Variants in REPS2 observed in about 807,000 individuals in gnomAD.
REPS2 encodes ralBP1-associated Eps domain-containing protein 2.
Under a neutral mutation model 53.6 loss-of-function variants are expected in REPS2, and 23 were observed. That is an observed-to-expected ratio of 0.43 (90% CI 0.31 to 0.61). The LOEUF is 0.61. Among genes scored for constraint, REPS2 ranks in the 20% least tolerant of loss-of-function variants. The pLI is 0.11. For missense variants in REPS2, 446 were observed against 534.9 expected (o/e 0.83, Z 1.64); for synonymous variants, 238 against 218.6 (o/e 1.09, Z -0.78).
chrX:17,022,217 A>C lies in REPS2; in HGVS notation c.492A>C (p.Pro164=). 8.3e-7 allele frequency: 1 copy of C among 1,209,265 alleles called. No individual in the cohort carries two copies. The highest frequency in any genetic ancestry group is 1.1e-6 in the Non-Finnish European group (1 of 893,149). ...TGCATGGAACTAAGGTTCAGATTCCATATTTAACTACAGAAAAAAATTCCT... is the reference window on the plus strand; with the variant it reads ...TGCATGGAACTAAGGTTCAGATTCCCTATTTAACTACAGAAAAAAATTCCT... ...AELHGTKVQI[P]YLTTEKNSFK... is the part of the protein sequence containing the mutation. The change falls in exon 3 of 18, where the codon CCA becomes CCC. Residue 164 remains proline, a synonymous_variant. Transcript: ENST00000357277.
In REPS2 at chrX:16,967,201, C is replaced by G. The variant is rs772378021; in HGVS notation, c.273+20067C>G. 1.1e-4 allele frequency among the ~76,000 whole-genome samples: 12 copies of G among 111,925 alleles called. No homozygotes were observed. The East Asian group carries it at 3.3e-3, about 31-fold the overall frequency. On this transcript the variant is annotated intron_variant, in intron 1 of 17. Coordinates refer to ENST00000357277, the MANE Select transcript of REPS2 (RefSeq NM_004726.3). ...AAATTTAAATTTCAGTTTCCATAAACAGTTTTATTGGAACACAGCTTTACT... is the reference window on the plus strand; with the variant it reads ...AAATTTAAATTTCAGTTTCCATAAAGAGTTTTATTGGAACACAGCTTTACT...
At chrX:17,000,577 C>A (rs1948205942) in intron 1 of REPS2, among the ~76,000 whole-genome samples, 1 of 112,034 alleles carries the variant, frequency 8.9e-6, no homozygotes, top group African/African-American at 3.2e-5. Context: ...GTTAGTAACT[C>A]TTTCTGGAAA....
chrX:16,964,809 G>A (rs1368696163), intron 1 of REPS2, among the ~76,000 whole-genome samples: 4 of 76,758 alleles, frequency 5.2e-5, no homozygotes, highest in Admixed American at 1.3e-4. Context: ...CCTCCCTCCC[G>A]GACGGGGCGG....
intron 1 of REPS2, among the ~76,000 whole-genome samples, chrX:16,953,580 G>T (rs1038900965): frequency 8.9e-6 from 1 of 112,099 alleles, no homozygotes; most frequent in Non-Finnish European, 1.9e-5. Context: ...TATTATTTTG[G>T]ATGTCTTTTC....
At chrX:17,051,084 A>G (rs2061996324) in intron 6 of REPS2, among the ~76,000 whole-genome samples, 1 of 111,421 alleles carries the variant, frequency 9.0e-6, no homozygotes, top group Non-Finnish European at 1.9e-5. Context: ...TTTGATTTTT[A>G]GATCCCACAA....
chrX:17,148,750 T>C lies in REPS2; in HGVS notation c.*1269T>C. ...AAATGGGACCACAGGGGCACAGGGC[T>C]ACTGACCCTCACAGGGCATGCCAGC... is the stretch of plus-strand genomic sequence containing the variant. On this transcript the variant is annotated 3_prime_UTR_variant, in exon 18 of 18. Coordinates refer to ENST00000357277, the MANE Select transcript of REPS2 (RefSeq NM_004726.3). The C allele has an allele frequency of 4.8e-6, 1 of 210,105 alleles. No individual in the cohort carries two copies. Among genetic ancestry groups the C allele is most frequent in the Non-Finnish European group, 9.0e-6 (1 of 111,091 alleles). 17.3% of individuals were successfully genotyped at this position (210,105 alleles called of 1,213,427 possible).
chrX:16,966,047 C>T (rs1054024345), intron 1 of REPS2, among the ~76,000 whole-genome samples: 6 of 112,243 alleles, frequency 5.3e-5, no homozygotes, highest in African/African-American at 1.6e-4. Flanking sequence ...TGCAGTGAGC[C>T]GAGATGGCAG....
chrX:17,141,358 G>T (rs759384376), intron 17 of REPS2, among the ~76,000 whole-genome samples: 1 of 112,347 alleles, frequency 8.9e-6, no homozygotes, highest in South Asian at 3.7e-4. Context: ...ATATTGTTGT[G>T]TGTATCAGTA....
intron 1 of REPS2, among the ~76,000 whole-genome samples, chrX:16,953,448 T>A (rs1402422100): frequency 9.0e-6 from 1 of 111,266 alleles, no homozygotes; most frequent in East Asian, 2.8e-4. Context: ...TTCCCCTCCC[T>A]CCCTACCCTG....
rs2063570305 is a variant in REPS2, at chrX:17,151,691, A to G, written c.*4210A>G. ...TAGGGATCATTAGGTTCTGGTTTGAACATTCTGAATGTGAACAAAATGAAA... is the reference window on the plus strand; with the variant it reads ...TAGGGATCATTAGGTTCTGGTTTGAGCATTCTGAATGTGAACAAAATGAAA... On this transcript the variant is annotated 3_prime_UTR_variant, in exon 18 of 18. Coordinates refer to ENST00000357277, the MANE Select transcript of REPS2 (RefSeq NM_004726.3). 8.9e-6 allele frequency: 1 copy of G among 112,371 alleles called. No individual in the cohort carries two copies. The highest frequency in any genetic ancestry group is 9.4e-5 in the Admixed American group (1 of 10,646). The allele number at this position is 112,371 out of a possible 1,213,427, so 9.3% of individuals were successfully genotyped here. A position where few individuals can be genotyped will look rare whatever the true frequency, so the allele number is the denominator to read the frequency against.
At chrX:17,069,780 A>G (rs904037381) in intron 10 of REPS2, among the ~76,000 whole-genome samples, 160 bp from the exon 11 acceptor site, 3 of 111,980 alleles carry the variant, frequency 2.7e-5, no homozygotes, top group African/African-American at 9.7e-5. Flanking sequence ...GTTTTAGTAA[A>G]TGCTATAGCA....
At chrX:17,191,478 G>GTT in the REPS2 span, among the ~76,000 whole-genome samples, 1 of 111,635 alleles carries the variant, frequency 9.0e-6, no homozygotes, top group South Asian at 3.7e-4. Context: ...GCTCTCATAC[G>GTT]TTGCTAGTGG....
chrX:16,974,751 G>A (rs2060935546), intron 1 of REPS2, among the ~76,000 whole-genome samples: 1 of 111,232 alleles, frequency 9.0e-6, no homozygotes, highest in African/African-American at 3.3e-5. Context: ...GGGTACATGT[G>A]CTGATTTGTT....
At position 17,047,449 on chromosome X, in the gene REPS2, T is replaced by A. The variant is rs1234182228; in HGVS notation, c.874T>A (p.Ser292Thr). 4 of 1,208,997 alleles carry A rather than the reference T, an allele frequency of 3.3e-6. No individual in the cohort carries two copies. The South Asian group carries it at 5.3e-5, about 16-fold the overall frequency. Residue 292 changes from serine (S) to threonine (T), a missense_variant, in exon 6 of 18, where the codon TCC becomes ACC. Transcript: ENST00000357277. The stretch of plus-strand genomic sequence containing the variant: ...CGAGTACTATGTCAATCAGTTCCGA[T>A]CCCTTCAGCCAGACCCAAGCTCTTT... ...QREYYVNQFRSLQPDPSSFIS... is the reference protein window; with the variant it reads ...QREYYVNQFRTLQPDPSSFIS...
At chrX:17,090,445 A>G (rs1392295431) in intron 13 of REPS2, among the ~76,000 whole-genome samples, 1 of 111,305 alleles carries the variant, frequency 9.0e-6, no homozygotes. Context: ...ACCTGCCCCC[A>G]TGGTTCAATC....
intron 9 of REPS2, among the ~76,000 whole-genome samples, chrX:17,063,718 A>G (rs1489838624): frequency 9.0e-6 from 1 of 111,351 alleles, no homozygotes; most frequent in African/African-American, 3.3e-5. Context: ...GCCACTTTTC[A>G]TGGCCCTCAG....
At chrX:16,994,895 A>C (rs1292263790) in intron 1 of REPS2, among the ~76,000 whole-genome samples, 1 of 112,209 alleles carries the variant, frequency 8.9e-6, no homozygotes, top group African/African-American at 3.2e-5. Context: ...ATTGAAAAGA[A>C]ATCAGGAAAG....
At chrX:17,089,383 A>T (rs2062585663) in intron 13 of REPS2, among the ~76,000 whole-genome samples, 1 of 111,509 alleles carries the variant, frequency 9.0e-6, no homozygotes, top group Admixed American at 9.6e-5. Flanking sequence ...CTTAAAAAAA[A>T]CTTTATTGAG....
intron 17 of REPS2, among the ~76,000 whole-genome samples, chrX:17,141,508 G>A (rs1216285969): frequency 8.9e-6 from 1 of 111,870 alleles, no homozygotes; most frequent in Non-Finnish European, 1.9e-5. Flanking sequence ...ATAAGTCTCT[G>A]TATGGAAATA....
Sources: allele counts gnomAD v4.1 joint callset (sites outside exome capture counted in the v4.1 genomes callset), GRCh38; gene constraint gnomAD v4.1.1; transcripts MANE v1.5; gene names NCBI Gene and HGNC (gene_info 2026-07-23, HGNC 2026-07-21).